The following CLDN14 variants were observed in gnomAD, a reference collection of about 807,000 sequenced individuals.
The protein encoded by CLDN14 is claudin-14.
CLDN14 carries 2 observed loss-of-function variants against 2.1 expected under a neutral mutation model. That is an observed-to-expected ratio of 0.96 (90% CI 0.39 to 3.01). The LOEUF is 3.01. CLDN14 is among the 30% of genes most tolerant of loss of function. The probability of loss-of-function intolerance (pLI) is 0.09; values close to 1 mark genes in which losing one functional copy is unlikely to be tolerated. For missense variants in CLDN14, 298 were observed against 328.0 expected, an observed-to-expected ratio of 0.91 and a Z score of 0.71; for synonymous variants, 136 against 154.4, an observed-to-expected ratio of 0.88 and a Z score of 0.88.
At chr21:36,554,704 G>C (rs1213607576) in intron 1 of CLDN14, among the ~76,000 whole-genome samples, 1 of 152,080 alleles carries the variant, frequency 6.6e-6, no homozygotes, top group East Asian at 1.9e-4. Context: ...CAGCAGTACA[G>C]GCCTATAGAT....
At chr21:36,488,253 C>CCTTCCTTT (rs1297578388) in intron 2 of CLDN14, among the ~76,000 whole-genome samples, 1 of 149,228 alleles carries the variant, frequency 6.7e-6, no homozygotes, top group Admixed American at 6.7e-5. Flanking sequence ...TTCCTTCCTT[C>CCTTCCTTT]CTTCCTTCCT....
At position 36,499,542 on chromosome 21, in the gene CLDN14, G is replaced by A. The variant is rs1373901800; in HGVS notation, c.-82+10821C>T. ...TTTAGAGTCTCTAAAGTTGTTGCAGGGGGCTTGTTGCAATGTCCGTACCAG... is the reference window on the plus strand; with the variant it reads ...TTTAGAGTCTCTAAAGTTGTTGCAGAGGGCTTGTTGCAATGTCCGTACCAG... On this transcript the variant is annotated intron_variant, in intron 2 of 2. Transcript: ENST00000342108. The surrounding 1 kb of genome is among the most constrained non-coding windows in gnomAD (Gnocchi z 4.7). Among the ~76,000 whole-genome samples the A allele has an allele frequency of 2.1e-4, 32 of 152,064 alleles. No homozygotes were observed. The highest frequency in any genetic ancestry group is 2.1e-3 in the Admixed American group (32 of 15,234).
At position 36,534,226 on chromosome 21, in the gene CLDN14, C is replaced by T. The variant is rs928789675; in HGVS notation, c.-219-23726G>A. The stretch of plus-strand genomic sequence containing the variant: ...AAGCGATTCTCCTGCCTCAGCCTCC[C>T]GAGTAGCTGGGATTACAAAAAAATT... On this transcript the variant is annotated intron_variant, in intron 1 of 2. Coordinates refer to the CLDN14 transcript ENST00000342108. Among the ~76,000 whole-genome samples, 3 of 152,012 alleles carry T rather than the reference C, an allele frequency of 2.0e-5. No homozygotes were observed. In the East Asian group the frequency reaches 5.8e-4, roughly 29 times the overall value.
intron 1 of CLDN14, among the ~76,000 whole-genome samples, chr21:36,549,689 A>G (rs2087550347): frequency 6.6e-6 from 1 of 152,254 alleles, no homozygotes; most frequent in South Asian, 2.1e-4. Flanking sequence ...TTGTCAGCAC[A>G]CAACGGCCCT....
At chr21:36,482,427 T>C (rs540299262), upstream of CLDN14, among the ~76,000 whole-genome samples, 1 of 150,586 alleles carries the variant, frequency 6.6e-6, no homozygotes, top group East Asian at 1.9e-4. Flanking sequence ...GATGGATGGA[T>C]GGATGGATGG....
chr21:36,557,079 T>C (rs556238606), intron 1 of CLDN14, among the ~76,000 whole-genome samples: 2 of 152,368 alleles, frequency 1.3e-5, no homozygotes, highest in South Asian at 2.1e-4. Flanking sequence ...TTATTTAGCA[T>C]AATGGCCTCC....
chr21:36,562,574 T>G (rs1360783033), intron 1 of CLDN14, among the ~76,000 whole-genome samples: 1 of 152,238 alleles, frequency 6.6e-6, no homozygotes, highest in East Asian at 1.9e-4. Context: ...CCAACCCATG[T>G]GTCATCTTGT....
At chr21:36,507,990 A>G (rs907934672) in intron 2 of CLDN14, among the ~76,000 whole-genome samples, 2 of 152,238 alleles carry the variant, frequency 1.3e-5, no homozygotes, top group African/African-American at 2.4e-5. Context: ...ATATACACAC[A>G]TATATGTGTA....
At chr21:36,496,552 T>G (rs1361744382) in intron 2 of CLDN14, among the ~76,000 whole-genome samples, 3 of 149,880 alleles carry the variant, frequency 2.0e-5, no homozygotes, top group African/African-American at 7.4e-5. Flanking sequence ...GGCAGGAGAT[T>G]TAGGCACAAG....
At chr21:36,545,570 T>G (rs964880396) in intron 1 of CLDN14, among the ~76,000 whole-genome samples, 2 of 152,224 alleles carry the variant, frequency 1.3e-5, no homozygotes, top group African/African-American at 4.8e-5. Flanking sequence ...TGCCTAAGTC[T>G]GCAAACATTT....
In CLDN14 at chr21:36,528,362, A is replaced by C. The variant is rs533032990; in HGVS notation, c.-219-17862T>G. The stretch of plus-strand genomic sequence containing the variant: ...ATCTTCCAGATGTGGAAAGTGAGAC[A>C]GTCCACGTCCTACAGCCAGAGCAGG... On this transcript the variant is annotated intron_variant, in intron 1 of 2. Transcript: ENST00000342108. 2.6e-5 allele frequency among the ~76,000 whole-genome samples: 4 copies of C among 152,330 alleles called. No homozygotes were observed. In the East Asian group the frequency reaches 7.7e-4, roughly 29 times the overall value.
chr21:36,460,660 CACAA>C lies in CLDN14; in HGVS notation c.*312_*315del. On this transcript the variant is annotated 3_prime_UTR_variant, in exon 2 of 2. Coordinates refer to ENST00000399135, the MANE Select transcript of CLDN14 (RefSeq NM_001146079.2). This position sits in a 1 kb window ranked among gnomAD's most constrained non-coding sequence, Gnocchi z 4.0. ...ACATCCGCAAGGTTTATTCCTGGATCACAAACCAACCCCACTGACCAAACTCCCA... is the reference window on the plus strand; with the variant it reads ...ACATCCGCAAGGTTTATTCCTGGATCACCAACCCCACTGACCAAACTCCCA... 6.4e-6 allele frequency: 2 copies of C among 310,448 alleles called. No individual in the cohort carries two copies. The highest frequency in any genetic ancestry group is 1.2e-5 in the Non-Finnish European group (2 of 163,218). The allele number at this position is 310,448 out of a possible 1,614,324, so 19.2% of individuals were successfully genotyped here.
intron 1 of CLDN14, among the ~76,000 whole-genome samples, chr21:36,531,735 T>C (rs2087381993): frequency 6.6e-6 from 1 of 151,548 alleles, no homozygotes; most frequent in African/African-American, 2.4e-5. Flanking sequence ...TTCTTCATTA[T>C]CTATGTAATT....
rs564331385 is a variant in CLDN14 at position 36,463,483 on chromosome 21, G to A, written c.-81-1707C>T. 1.4e-4 allele frequency among the ~76,000 whole-genome samples: 22 copies of A among 152,318 alleles called. No individual in the cohort carries two copies. The East Asian group carries it at 4.1e-3, about 28-fold the overall frequency. On this transcript the variant is annotated intron_variant, in intron 1 of 1. Coordinates refer to ENST00000399135, the MANE Select transcript of CLDN14 (RefSeq NM_001146079.2). ...TCCCAGCACTTTGGGAGGCTAAGGCGGGTGGATCGCTTAAGGTCAGGAGTT... is the reference window on the plus strand; with the variant it reads ...TCCCAGCACTTTGGGAGGCTAAGGCAGGTGGATCGCTTAAGGTCAGGAGTT...
At chr21:36,534,823 C>T (rs1021723703) in intron 1 of CLDN14, among the ~76,000 whole-genome samples, 9 of 152,116 alleles carry the variant, frequency 5.9e-5, no homozygotes, top group Admixed American at 1.3e-4. Context: ...GCTGTGTCCC[C>T]GCCCCTTATA....
At chr21:36,529,645 A>C (rs1323253028) in intron 1 of CLDN14, among the ~76,000 whole-genome samples, 2 of 152,176 alleles carry the variant, frequency 1.3e-5, no homozygotes, top group Non-Finnish European at 2.9e-5. Flanking sequence ...TCAGGATCCA[A>C]GGAGTGAACC....
In CLDN14 at chr21:36,544,820, C is replaced by T. The variant is rs1601632154; in HGVS notation, c.-220+31591G>A. ...AAGTAAGACATGTGCACAGAGCAACCATGTGAAAACAATTAGGACGACAAA... is the reference window on the plus strand; with the variant it reads ...AAGTAAGACATGTGCACAGAGCAACTATGTGAAAACAATTAGGACGACAAA... On this transcript the variant is annotated intron_variant, in intron 1 of 2. Coordinates refer to the CLDN14 transcript ENST00000342108. The surrounding 1 kb of genome is among the most constrained non-coding windows in gnomAD (Gnocchi z 4.1). Among the ~76,000 whole-genome samples the T allele has an allele frequency of 6.6e-6, 1 of 152,186 alleles. No individual in the cohort carries two copies. Among genetic ancestry groups the T allele is most frequent in the African/African-American group, 2.4e-5 (1 of 41,440 alleles).
intron 1 of CLDN14, among the ~76,000 whole-genome samples, chr21:36,570,854 T>A (rs1388238807): frequency 6.6e-6 from 1 of 152,202 alleles, no homozygotes; most frequent in African/African-American, 2.4e-5. Flanking sequence ...CTTTTTAAAA[T>A]TTTTTGAGAT....
chr21:36,519,978 G>C (rs1478714288), intron 1 of CLDN14, among the ~76,000 whole-genome samples: 1 of 152,146 alleles, frequency 6.6e-6, no homozygotes, highest in African/African-American at 2.4e-5. Context: ...ATGACCACGA[G>C]CTATGTGGTT....
Sources: gnomAD v4.1 joint callset for allele counts (sites outside exome capture counted in the v4.1 genomes callset) on GRCh38, gnomAD v4.1.1 for gene constraint, Gnocchi (gnomAD v3.1) non-coding constraint, MANE v1.5 for transcripts, NCBI Gene and HGNC (gene_info 2026-07-23, HGNC 2026-07-21) for gene names.